The following PXDNL variants were observed in gnomAD, a reference collection of about 807,000 sequenced individuals.
PXDNL encodes the protein probable oxidoreductase PXDNL.
PXDNL carries 145 observed loss-of-function variants against 150.8 expected under a neutral mutation model. The observed-to-expected ratio is 0.96, with a 90% CI of 0.84 to 1.10. The LOEUF is 1.10. PXDNL is among the 50% of genes least tolerant of loss of function. The pLI is 0.00. For synonymous variants in PXDNL, 757 were observed against 725.7 expected (o/e 1.04, Z -0.69); for missense variants, 2,087 against 1,873.9 (o/e 1.11, Z -2.10).
intron 17 of PXDNL, among the ~76,000 whole-genome samples, chr8:51,384,799 C>T (rs1807651245): frequency 6.6e-6 from 1 of 151,932 alleles, no homozygotes; most frequent in Admixed American, 6.6e-5. Context: ...TTACATAGAA[C>T]TAAAATGTGA....
intron 1 of PXDNL, among the ~76,000 whole-genome samples, chr8:51,755,269 A>G (rs957121028): frequency 2.0e-5 from 3 of 151,304 alleles, no homozygotes; most frequent in African/African-American, 7.3e-5. Flanking sequence ...TCATGGTCAT[A>G]TATTTATGAT....
intron 1 of PXDNL, among the ~76,000 whole-genome samples, chr8:51,704,389 G>A (rs1303115028): frequency 3.9e-5 from 6 of 152,124 alleles, no homozygotes; most frequent in Admixed American, 1.3e-4. Flanking sequence ...TCAACTATTC[G>A]AAGATATTTG....
chr8:51,339,898 G>A, intron 20 of PXDNL, 145 bp from the exon 21 acceptor site: 1 of 672,434 alleles, frequency 1.5e-6, no homozygotes, highest in Non-Finnish European at 2.4e-6. Context: ...AAAATGGTAT[G>A]AGTGGAATTC....
chr8:51,333,304 A>G (rs1368940143), intron 21 of PXDNL, among the ~76,000 whole-genome samples: 2 of 152,316 alleles, frequency 1.3e-5, no homozygotes, highest in South Asian at 2.1e-4. Context: ...CACCATTACC[A>G]AGCCACCACT....
intron 4 of PXDNL, among the ~76,000 whole-genome samples, chr8:51,521,142 T>C (rs533828736): frequency 2.0e-3 from 311 of 152,188 alleles, no homozygotes; most frequent in Non-Finnish European, 3.5e-3. Flanking sequence ...CCTGGGAGGA[T>C]GAGGTGGAAA....
At chr8:51,325,816 C>T (rs1001145837) in intron 21 of PXDNL, among the ~76,000 whole-genome samples, 7 of 152,140 alleles carry the variant, frequency 4.6e-5, no homozygotes, top group Non-Finnish European at 1.0e-4. Context: ...CTCAGTATAC[C>T]CTGGGGAGAG....
chr8:51,652,132 A>C (rs1233166866), intron 2 of PXDNL, among the ~76,000 whole-genome samples: 4 of 152,184 alleles, frequency 2.6e-5, no homozygotes, highest in Non-Finnish European at 5.9e-5. Flanking sequence ...ACCCAAGGAA[A>C]TAGAATCACC....
At chr8:51,558,558 A>G (rs9650299) in intron 3 of PXDNL, among the ~76,000 whole-genome samples, 42,543 of 151,900 alleles carry the variant, frequency 0.28, 7,549 homozygotes, top group African/African-American at 0.5. Flanking sequence ...AATAATGAGG[A>G]GTTGTTTCAT....
At chr8:51,350,296 G>C (rs888403689) in intron 19 of PXDNL, among the ~76,000 whole-genome samples, 4 of 147,766 alleles carry the variant, frequency 2.7e-5, no homozygotes, top group Non-Finnish European at 4.5e-5. Flanking sequence ...ATGCCATTTA[G>C]ATAACCTAGG....
chr8:51,559,342 CCCG>C (rs1207022380), intron 3 of PXDNL, among the ~76,000 whole-genome samples: 1 of 141,516 alleles, frequency 7.1e-6, no homozygotes, highest in African/African-American at 2.6e-5. Context: ...CCCCCCCCCC[CCCG>C]CCACCTTCTT....
In PXDNL at chr8:51,500,013, C is replaced by T. The variant is rs116427302; in HGVS notation, c.381-243G>A. ...CACCCAGAAAGGAGCATGATGCTGC[C>T]CCCTTTTCCCAGGGAGCCTCTTGAG... On this transcript the variant is annotated intron_variant, in intron 4 of 22. Transcript: ENST00000356297. Among the ~76,000 whole-genome samples, 942 of 152,140 alleles carry T rather than the reference C, an allele frequency of 6.2e-3. 13 individuals are homozygous for T. The highest frequency in any genetic ancestry group is 0.022 in the African/African-American group (906 of 41,508).
intron 2 of PXDNL, among the ~76,000 whole-genome samples, chr8:51,601,942 G>A (rs368085625): frequency 6.6e-6 from 1 of 151,860 alleles, no homozygotes; most frequent in African/African-American, 2.4e-5. Flanking sequence ...CTTAGCACTT[G>A]CTTGTCTGGA....
At chr8:51,406,052 T>A (rs1475135520) in intron 17 of PXDNL, among the ~76,000 whole-genome samples, 1 of 152,222 alleles carries the variant, frequency 6.6e-6, no homozygotes, top group Non-Finnish European at 1.5e-5. Context: ...CATCAGCCAC[T>A]GTAAGGATGG....
intron 3 of PXDNL, among the ~76,000 whole-genome samples, chr8:51,563,103 T>A (rs554647096): frequency 6.6e-6 from 1 of 152,058 alleles, no homozygotes; most frequent in East Asian, 1.9e-4. Context: ...AGAGCAAGCA[T>A]AATACCTCCA....
intron 12 of PXDNL, among the ~76,000 whole-genome samples, chr8:51,442,522 A>G (rs1809575108): frequency 6.6e-6 from 1 of 152,040 alleles, no homozygotes. Context: ...TTATCATGTT[A>G]AAGAAATATC....
At chr8:51,587,781 GC>G (rs2130644903) in intron 3 of PXDNL, among the ~76,000 whole-genome samples, 1 of 152,184 alleles carries the variant, frequency 6.6e-6, no homozygotes, top group South Asian at 2.1e-4. Flanking sequence ...CAAATATCAA[GC>G]ATTTATTGAG....
At chr8:51,671,907 TA>T (rs1281663126) in intron 1 of PXDNL, among the ~76,000 whole-genome samples, 1 of 152,238 alleles carries the variant, frequency 6.6e-6, no homozygotes, top group Non-Finnish European at 1.5e-5. Context: ...AGAAGGTTGA[TA>T]AGCGCATATT....
At chr8:51,525,119 T>C (rs1811741353) in intron 4 of PXDNL, among the ~76,000 whole-genome samples, 1 of 146,360 alleles carries the variant, frequency 6.8e-6, no homozygotes, top group Non-Finnish European at 1.5e-5. Flanking sequence ...TCACCTTTAT[T>C]TAAAAAAAAA....
chr8:51,350,500 C>T (rs927424627), intron 19 of PXDNL, among the ~76,000 whole-genome samples: 1 of 151,890 alleles, frequency 6.6e-6, no homozygotes, highest in Non-Finnish European at 1.5e-5. Context: ...GCTGGGATTA[C>T]AGGCCCACAC....
Sources: allele counts gnomAD v4.1 joint callset (sites outside exome capture counted in the v4.1 genomes callset), GRCh38; gene constraint gnomAD v4.1.1; transcripts MANE v1.5; gene names NCBI Gene and HGNC (gene_info 2026-07-23, HGNC 2026-07-21).